Variants in MDGA1 observed in about 807,000 individuals in gnomAD.
MDGA1 encodes MAM domain-containing glycosylphosphatidylinositol anchor protein 1.
Under a neutral mutation model 101.5 loss-of-function variants are expected in MDGA1, and 54 were observed. The observed-to-expected ratio is 0.53, with a 90% CI of 0.43 to 0.67. MDGA1 has a LOEUF of 0.67. MDGA1 is among the 30% of genes least tolerant of loss of function. The pLI, the probability that MDGA1 is intolerant of heterozygous loss-of-function variation, is 0.00. For synonymous variants in MDGA1, 533 were observed against 558.3 expected, an observed-to-expected ratio of 0.95 and a Z score of 0.64; for missense variants, 1,083 against 1,323.8, an observed-to-expected ratio of 0.82 and a Z score of 2.82.
intron 1 of MDGA1, among the ~76,000 whole-genome samples, chr6:37,681,516 T>A (rs1433276257): frequency 6.6e-6 from 1 of 152,246 alleles, no homozygotes; most frequent in Non-Finnish European, 1.5e-5. Context: ...TAAAGAGGTC[T>A]GTAGGACCCC....
chr6:37,666,243 C>A (rs1473968319), intron 1 of MDGA1, among the ~76,000 whole-genome samples: 1 of 150,580 alleles, frequency 6.6e-6, no homozygotes, highest in African/African-American at 2.5e-5. Context: ...ACCTGTAATC[C>A]CAGCTACTCA....
intron 6 of MDGA1, among the ~76,000 whole-genome samples, chr6:37,653,670 A>G (rs1026836328): frequency 2.2e-4 from 33 of 152,238 alleles, no homozygotes; most frequent in African/African-American, 7.7e-4. Flanking sequence ...TCCTTAATTC[A>G]GAGTGTCAAA....
At chr6:37,677,273 G>A (rs1371150754) in intron 1 of MDGA1, among the ~76,000 whole-genome samples, 3 of 152,112 alleles carry the variant, frequency 2.0e-5, no homozygotes, top group African/African-American at 4.8e-5. Flanking sequence ...CACACAACCC[G>A]GCAGTGCGAA....
chr6:37,687,873 C>T (rs1246010822), intron 1 of MDGA1, among the ~76,000 whole-genome samples: 1 of 152,112 alleles, frequency 6.6e-6, no homozygotes, highest in Non-Finnish European at 1.5e-5. Context: ...AACTGTGTTT[C>T]TGAAGGAGAC....
At chr6:37,663,419 A>C (rs1196712759) in intron 2 of MDGA1, among the ~76,000 whole-genome samples, 4 of 152,254 alleles carry the variant, frequency 2.6e-5, no homozygotes, top group African/African-American at 9.6e-5. Context: ...CCCAACTCAA[A>C]GATGGACATG....
rs1763911390 is a variant in MDGA1 at position 37,635,611 on chromosome 6, C to T, written c.*1757G>A. The T allele has an allele frequency of 5.0e-6, 2 of 398,676 alleles. No homozygotes were observed. Among genetic ancestry groups the T allele is most frequent in the Non-Finnish European group, 8.8e-6 (2 of 226,106 alleles). 24.7% of individuals were successfully genotyped at this position (398,676 alleles called of 1,614,324 possible). A position where few individuals can be genotyped will look rare whatever the true frequency, so the allele number is the denominator to read the frequency against. On this transcript the variant is annotated 3_prime_UTR_variant, in exon 17 of 17. Coordinates refer to ENST00000434837, the MANE Select transcript of MDGA1 (RefSeq NM_153487.4). ...AGGGGGAGATGGGCAGCCTTTGCCTCGGTTCCCCGCCTGCCTCCTGGCACT... is the reference window on the plus strand; with the variant it reads ...AGGGGGAGATGGGCAGCCTTTGCCTTGGTTCCCCGCCTGCCTCCTGGCACT...
At chr6:37,641,405 T>C (rs912336741) in intron 14 of MDGA1, among the ~76,000 whole-genome samples, 6 of 152,148 alleles carry the variant, frequency 3.9e-5, no homozygotes, top group Non-Finnish European at 8.8e-5. Flanking sequence ...CTGGGCACTC[T>C]TAGCCAAGTT....
chr6:37,653,638 C>T (rs73413382), intron 6 of MDGA1, among the ~76,000 whole-genome samples: 1 of 152,110 alleles, frequency 6.6e-6, no homozygotes, highest in African/African-American at 2.4e-5. Context: ...TAAAGCTGCA[C>T]AAGCAGAAAA....
rs1293374957 is a variant in MDGA1, at chr6:37,632,225, A to G, written c.*5143T>C. The G allele has an allele frequency of 6.6e-6, 1 of 152,080 alleles. No homozygotes were observed. Among genetic ancestry groups the G allele is most frequent in the Non-Finnish European group, 1.5e-5 (1 of 68,016 alleles). The allele number at this position is 152,080 out of a possible 1,614,324, so 9.4% of individuals were successfully genotyped here. ...CTTCCCAGCCCTCACTGTACACATC[A>G]TTATATATGTCTTGGTGTCATTATT... On this transcript the variant is annotated 3_prime_UTR_variant, in exon 17 of 17. Coordinates refer to ENST00000434837, the MANE Select transcript of MDGA1 (RefSeq NM_153487.4).
chr6:37,656,604 C>T (rs978253945), intron 3 of MDGA1, among the ~76,000 whole-genome samples: 2 of 151,632 alleles, frequency 1.3e-5, no homozygotes, highest in African/African-American at 4.8e-5. Context: ...AGCTCCTGGG[C>T]TCAAGCAATC....
At chr6:37,658,462 C>T (rs578128991) in intron 2 of MDGA1, 43 bp from the exon 3 acceptor site, 6 of 1,564,152 alleles carry the variant, frequency 3.8e-6, no homozygotes, top group Non-Finnish European at 5.2e-6. Flanking sequence ...CAGACTCACA[C>T]GGGGTGGGGG....
rs1581640890 is a variant in MDGA1, at chr6:37,696,889, G to T, written c.-78C>A. 4 of 1,212,438 alleles carry T rather than the reference G, an allele frequency of 3.3e-6. No individual in the cohort carries two copies. The South Asian group carries it at 5.2e-5, about 16-fold the overall frequency. The allele number at this position is 1,212,438 out of a possible 1,614,324, so 75.1% of individuals were successfully genotyped here. ...GGGGGCGCATTCGCCGGGGCCCCGC[G>T]ACGCCCCTATGTCCCCCCCTTTCCC... On this transcript the variant is annotated 5_prime_UTR_variant, in exon 1 of 17. Coordinates refer to ENST00000434837, the MANE Select transcript of MDGA1 (RefSeq NM_153487.4). This position sits in a 1 kb window ranked among gnomAD's most constrained non-coding sequence, Gnocchi z 5.6.
rs573522380 is a variant in MDGA1, at chr6:37,674,943, G to C, written c.68-10837C>G. On this transcript the variant is annotated intron_variant, in intron 1 of 16. Coordinates refer to ENST00000434837, the MANE Select transcript of MDGA1 (RefSeq NM_153487.4). ...GTGGTGGCAGGCGCCTGTAATCCCA[G>C]CTACTTGGGAGGCTGAGGCGGGAGA... is the stretch of plus-strand genomic sequence containing the variant. Among the ~76,000 whole-genome samples the C allele has an allele frequency of 3.9e-5, 6 of 152,298 alleles. No individual in the cohort carries two copies. In the South Asian group the frequency reaches 1.2e-3, roughly 32 times the overall value.
chr6:37,647,385 G>A, intron 9 of MDGA1, 61 bp from the exon 10 acceptor site: 3 of 1,080,674 alleles, frequency 2.8e-6, no homozygotes, highest in Non-Finnish European at 3.9e-6. Flanking sequence ...ACAAAGAGAG[G>A]AGGTGTGGGA....
intron 7 of MDGA1, among the ~76,000 whole-genome samples, chr6:37,651,649 C>T (rs1253978479): frequency 6.6e-6 from 1 of 152,180 alleles, no homozygotes; most frequent in Admixed American, 6.5e-5. Flanking sequence ...AAGCCCTCTA[C>T]ACACCGTACA....
chr6:37,673,509 C>T (rs1761914907), intron 1 of MDGA1, among the ~76,000 whole-genome samples: 1 of 152,248 alleles, frequency 6.6e-6, no homozygotes, highest in African/African-American at 2.4e-5. Flanking sequence ...CCTGCTCCGC[C>T]TGGGCCTCCT....
rs760303038 is a variant in MDGA1 at position 37,652,171 on chromosome 6, C to T, written c.1152G>A (p.Leu384=). Reference sequence around the variant, plus strand: ...GCTCAGGATCATTGCGGGTCACCAGCAGCCGCTTGGACATGCGTGCCGGCT... The same window carrying T: ...GCTCAGGATCATTGCGGGTCACCAGTAGCCGCTTGGACATGCGTGCCGGCT... ...NGKPARMSKR[L]LVTRNDPELP... The change falls in exon 7 of 17, where the codon CTG becomes CTA. Residue 384 remains leucine (L), a synonymous_variant. Transcript: ENST00000434837. This position sits in a 1 kb window ranked among gnomAD's most constrained non-coding sequence, Gnocchi z 4.3. The T allele has an allele frequency of 6.2e-7, 1 of 1,614,014 alleles. No homozygotes were observed. The highest frequency in any genetic ancestry group is 1.7e-5 in the Admixed American group (1 of 60,028).
At chr6:37,675,792 T>C (rs771566419) in intron 1 of MDGA1, among the ~76,000 whole-genome samples, 7 of 152,202 alleles carry the variant, frequency 4.6e-5, no homozygotes, top group Non-Finnish European at 1.0e-4. Context: ...AGGAAAGTTC[T>C]AGCCCCACCA....
chr6:37,638,196 G>A lies in MDGA1; in HGVS notation c.2776+9C>T, dbSNP rs368619233. Reference sequence around the variant, plus strand: ...GATTCAGCTCCCCCACCTCCTTCCCGTCTTGCACCTTTATTGGGATCCGTC... The same window carrying A: ...GATTCAGCTCCCCCACCTCCTTCCCATCTTGCACCTTTATTGGGATCCGTC... On this transcript the variant is annotated intron_variant, in intron 16 of 16. Coordinates refer to ENST00000434837, the MANE Select transcript of MDGA1 (RefSeq NM_153487.4). This position sits in a 1 kb window ranked among gnomAD's most constrained non-coding sequence, Gnocchi z 4.8. The A allele has an allele frequency of 1.9e-4, 300 of 1,607,938 alleles. 1 individual carries two copies. The highest frequency in any genetic ancestry group is 9.7e-4 in the African/African-American group (72 of 74,298).
Sources: allele counts gnomAD v4.1 joint callset (sites outside exome capture counted in the v4.1 genomes callset), GRCh38; gene constraint gnomAD v4.1.1; non-coding constraint Gnocchi (gnomAD v3.1); transcripts MANE v1.5; gene names NCBI Gene and HGNC (gene_info 2026-07-23, HGNC 2026-07-21).